Variants in ZMYND15 observed in about 807,000 individuals in gnomAD.
ZMYND15 encodes zinc finger MYND domain-containing protein 15.
ZMYND15 carries 54 observed loss-of-function variants against 81.7 expected under a neutral mutation model. The ratio of observed to expected loss-of-function variants is 0.66; its 90% CI spans 0.53 to 0.83. The LOEUF (loss-of-function observed/expected upper bound fraction) is 0.83. ZMYND15 is among the 40% of genes least tolerant of loss of function. The pLI, the probability that ZMYND15 is intolerant of heterozygous loss-of-function variation, is 0.00. For missense variants in ZMYND15, 925 were observed against 973.5 expected (o/e 0.95, Z 0.66); for synonymous variants, 399 against 387.0 (o/e 1.03, Z -0.36).
At chr17:4,742,537 C>T in intron 5 of ZMYND15, 46 bp downstream of exon 5, 2 of 1,599,624 alleles carry the variant, frequency 1.3e-6, no homozygotes, top group Non-Finnish European at 1.7e-6. Flanking sequence ...GGGACCAGGT[C>T]TTTGAGACTG....
At position 4,743,669 on chromosome 17, in the gene ZMYND15, G is replaced by A. The variant is rs113813186; in HGVS notation, c.1298-98G>A. The stretch of plus-strand genomic sequence containing the variant: ...TGCAAACCCCCATTCCTCTTACTGC[G>A]GCTGTCTCAGGGAATACAGCCCCTT... On this transcript the variant is annotated intron_variant, in intron 6 of 13. Transcript: ENST00000433935. The surrounding 1 kb of genome is among the most constrained non-coding windows in gnomAD (Gnocchi z 4.3). The A allele has an allele frequency of 0.018, 24,035 of 1,345,248 alleles. 291 individuals are homozygous for A. The highest frequency in any genetic ancestry group is 0.021 in the Non-Finnish European group (20,873 of 982,986). The allele number at this position is 1,345,248 out of a possible 1,614,324, so 83.3% of individuals were successfully genotyped here.
At position 4,743,633 on chromosome 17, in the gene ZMYND15, C is replaced by A; in HGVS notation, c.1298-134C>A. 7.9e-7 allele frequency: 1 copy of A among 1,271,602 alleles called. No homozygotes were observed. Among genetic ancestry groups the A allele is most frequent in the Non-Finnish European group, 1.1e-6 (1 of 927,622 alleles). The allele number at this position is 1,271,602 out of a possible 1,614,324, so 78.8% of individuals were successfully genotyped here. A position where few individuals can be genotyped will look rare whatever the true frequency, so the allele number is the denominator to read the frequency against. On this transcript the variant is annotated intron_variant, in intron 6 of 13. Transcript: ENST00000433935. The surrounding 1 kb of genome is among the most constrained non-coding windows in gnomAD (Gnocchi z 4.3). ...CACCCCTACCAACTCCACCCAGAAA[C>A]CCCATCCCTATGCAAACCCCCATTC...
At chr17:4,741,871 C>A in intron 3 of ZMYND15, 44 bp from the exon 4 acceptor site, 1 of 1,595,172 alleles carries the variant, frequency 6.3e-7, no homozygotes, top group Non-Finnish European at 8.6e-7. Flanking sequence ...GATTCCCAAG[C>A]ACCTCCTCCA....
rs1916621980 is a variant in ZMYND15 at position 4,745,450 on chromosome 17, C to T, written c.2057+75C>T. ...CTCTGGCTCCACATCCTCGAAGGCC[C>T]ACCTCTACCCTAGTCCCTGCTGTCC... On this transcript the variant is annotated intron_variant, in intron 13 of 13. Coordinates refer to ENST00000433935, the MANE Select transcript of ZMYND15 (RefSeq NM_001136046.3). The surrounding 1 kb of genome is among the most constrained non-coding windows in gnomAD (Gnocchi z 5.2). 1.3e-6 allele frequency: 2 copies of T among 1,512,860 alleles called. No homozygotes were observed. The highest frequency in any genetic ancestry group is 8.9e-7 in the Non-Finnish European group (1 of 1,125,032). 93.7% of individuals were successfully genotyped at this position (1,512,860 alleles called of 1,614,324 possible).
intron 2 of ZMYND15, 132 bp downstream of exon 2, chr17:4,741,272 C>A: frequency 2.8e-6 from 3 of 1,065,462 alleles, no homozygotes; most frequent in Non-Finnish European, 3.8e-6. Flanking sequence ...TATTGACCCA[C>A]AGTGGGGTTT....
chr17:4,744,544 C>G lies in ZMYND15; in HGVS notation c.1683+77C>G, dbSNP rs1176759641. ...CTGGTTGGGTCCTGCCCTTCTGCCC[C>G]CCACTCCCCATCTTGCCTGGTGCAT... is the stretch of plus-strand genomic sequence containing the variant. On this transcript the variant is annotated intron_variant, in intron 10 of 13. Transcript: ENST00000433935. This position sits in a 1 kb window ranked among gnomAD's most constrained non-coding sequence, Gnocchi z 4.1. 6.2e-7 allele frequency: 1 copy of G among 1,603,364 alleles called. No individual in the cohort carries two copies. The highest frequency in any genetic ancestry group is 2.2e-5 in the East Asian group (1 of 44,732).
At position 4,741,792 on chromosome 17, in the gene ZMYND15, C is replaced by T; in HGVS notation, c.803C>T (p.Thr268Ile). The T allele has an allele frequency of 1.3e-6, 2 of 1,578,110 alleles. No homozygotes were observed. Among genetic ancestry groups the T allele is most frequent in the Non-Finnish European group, 1.7e-6 (2 of 1,160,540 alleles). Residue 268 changes from threonine (T) to isoleucine (I), a missense_variant, in exon 3 of 14, where the codon ACT becomes ATT. Physicochemically the swap from Thr to Ile is moderately conservative, Grantham distance 89. Transcript: ENST00000433935. Reference protein sequence around the residue: ...SGDPRKPRQLTVGDARLHREL... With the variant: ...SGDPRKPRQLIVGDARLHREL... ...GATCCCCGAAAGCCCCGACAGCTTA[C>T]TGTGGGAGATGCCCGGCTGCATCGG...
In ZMYND15 at chr17:4,741,707, C is replaced by T. The variant is rs753811676; in HGVS notation, c.718C>T (p.Leu240=). The change falls in exon 3 of 14, where the codon CTG becomes TTG. Residue 240 remains leucine, a synonymous_variant. Coordinates refer to ENST00000433935, the MANE Select transcript of ZMYND15 (RefSeq NM_001136046.3). Reference sequence around the variant, plus strand: ...AAGCTGGGGCTCAGGGACCAAGGACCTGGCTCCTTGGGCCTATGCTCTCCT... The same window carrying T: ...AAGCTGGGGCTCAGGGACCAAGGACTTGGCTCCTTGGGCCTATGCTCTCCT... The part of the protein sequence containing the change: ...TASWGSGTKD[L]APWAYALLCH... 1 of 1,614,008 alleles carries T rather than the reference C, an allele frequency of 6.2e-7. No individual in the cohort carries two copies. Among genetic ancestry groups the T allele is most frequent in the Non-Finnish European group, 8.5e-7 (1 of 1,179,926 alleles).
At position 4,739,875 on chromosome 17, in the gene ZMYND15, T is replaced by G. The variant is rs1597501701; in HGVS notation, c.-206T>G. On this transcript the variant is annotated 5_prime_UTR_variant, in exon 1 of 14. Coordinates refer to ENST00000433935, the MANE Select transcript of ZMYND15 (RefSeq NM_001136046.3). The surrounding 1 kb of genome is among the most constrained non-coding windows in gnomAD (Gnocchi z 5.3). ...CTCCCGGGCGGCCCGGTGGAGAGAG[T>G]CGCCGCCAGCCCCGGCCGCGCGCAC... 3 of 985,070 alleles carry G rather than the reference T, an allele frequency of 3.0e-6. No individual in the cohort carries two copies. Among genetic ancestry groups the G allele is most frequent in the South Asian group, 9.4e-5 (2 of 21,340 alleles). 61.0% of individuals were successfully genotyped at this position (985,070 alleles called of 1,614,324 possible). A position where few individuals can be genotyped will look rare whatever the true frequency, so the allele number is the denominator to read the frequency against.
In ZMYND15 at chr17:4,743,684, T is replaced by C. The variant is rs1259080715; in HGVS notation, c.1298-83T>C. On this transcript the variant is annotated intron_variant, in intron 6 of 13. Coordinates refer to ENST00000433935, the MANE Select transcript of ZMYND15 (RefSeq NM_001136046.3). The surrounding 1 kb of genome is among the most constrained non-coding windows in gnomAD (Gnocchi z 4.3). ...CTCTTACTGCGGCTGTCTCAGGGAA[T>C]ACAGCCCCTTTGGAAGGAAGAAAGA... 2 of 1,418,838 alleles carry C rather than the reference T, an allele frequency of 1.4e-6. No individual in the cohort carries two copies. Among genetic ancestry groups the C allele is most frequent in the Non-Finnish European group, 1.9e-6 (2 of 1,038,722 alleles). The allele number at this position is 1,418,838 out of a possible 1,614,324, so 87.9% of individuals were successfully genotyped here. A position where few individuals can be genotyped will look rare whatever the true frequency, so the allele number is the denominator to read the frequency against.
At position 4,741,761 on chromosome 17, in the gene ZMYND15, T is replaced by C. The variant is rs748718812; in HGVS notation, c.772T>C (p.Ser258Pro). Residue 258 changes from serine (S) to proline (P), a missense_variant, in exon 3 of 14, where the codon TCT becomes CCT. Coordinates refer to ENST00000433935, the MANE Select transcript of ZMYND15 (RefSeq NM_001136046.3). ...LCHSMACPMGSGDPRKPRQLT... is the reference protein window; with the variant it reads ...LCHSMACPMGPGDPRKPRQLT... Reference sequence around the variant, plus strand: ...TCACAGCATGGCCTGTCCCATGGGCTCTGGGGATCCCCGAAAGCCCCGACA... The same window carrying C: ...TCACAGCATGGCCTGTCCCATGGGCCCTGGGGATCCCCGAAAGCCCCGACA... 4.4e-6 allele frequency: 7 copies of C among 1,590,854 alleles called. No homozygotes were observed.
Position 4,743,899 on chromosome 17 carries a change from A to C in ZMYND15, c.1378+52A>C. The C allele has an allele frequency of 6.2e-7, 1 of 1,602,288 alleles. No homozygotes were observed. Among genetic ancestry groups the C allele is most frequent in the African/African-American group, 1.3e-5 (1 of 74,798 alleles). Reference sequence around the variant, plus strand: ...TAGGGGTAGGGCCAGGGACTGGAGAACCAGAGCCTGGGTGGCTGTGAAGAA... The same window carrying C: ...TAGGGGTAGGGCCAGGGACTGGAGACCCAGAGCCTGGGTGGCTGTGAAGAA... On this transcript the variant is annotated intron_variant, in intron 7 of 13. Coordinates refer to ENST00000433935, the MANE Select transcript of ZMYND15 (RefSeq NM_001136046.3). The surrounding 1 kb of genome is among the most constrained non-coding windows in gnomAD (Gnocchi z 4.3).
At position 4,744,546 on chromosome 17, in the gene ZMYND15, C is replaced by G. The variant is rs962509979; in HGVS notation, c.1683+79C>G. 1.6e-5 allele frequency: 25 copies of G among 1,602,612 alleles called. No homozygotes were observed. The highest frequency in any genetic ancestry group is 2.0e-5 in the Non-Finnish European group (23 of 1,173,356). On this transcript the variant is annotated intron_variant, in intron 10 of 13. Transcript: ENST00000433935. The surrounding 1 kb of genome is among the most constrained non-coding windows in gnomAD (Gnocchi z 4.1). ...GGTTGGGTCCTGCCCTTCTGCCCCC[C>G]ACTCCCCATCTTGCCTGGTGCATCC... is the stretch of plus-strand genomic sequence containing the variant.
In ZMYND15 at chr17:4,744,608, C is replaced by A. The variant is rs779950879; in HGVS notation, c.1684-17C>A. ...GACTTCCAGTGGCTTTTCCACCCCACTCCTGGGGCCCCTCAGGACAGCCTG... is the reference window on the plus strand; with the variant it reads ...GACTTCCAGTGGCTTTTCCACCCCAATCCTGGGGCCCCTCAGGACAGCCTG... On this transcript the variant is annotated splice_polypyrimidine_tract_variant and intron_variant, in intron 10 of 13. Coordinates refer to ENST00000433935, the MANE Select transcript of ZMYND15 (RefSeq NM_001136046.3). This position sits in a 1 kb window ranked among gnomAD's most constrained non-coding sequence, Gnocchi z 4.1. The A allele has an allele frequency of 2.5e-6, 4 of 1,606,408 alleles. No homozygotes were observed. The African/African-American group carries it at 4.0e-5, about 16-fold the overall frequency.
At position 4,744,434 on chromosome 17, in the gene ZMYND15, C is replaced by G. The variant is rs751659829; in HGVS notation, c.1650C>G (p.Pro550=). Residue 550 remains proline (P), a synonymous_variant, in exon 10 of 14, where the codon CCC becomes CCG. Transcript: ENST00000433935. The surrounding 1 kb of genome is among the most constrained non-coding windows in gnomAD (Gnocchi z 4.1). ...ELQFVGDGLP[P]ESDEQHFTLQ... is the part of the protein sequence containing the mutation. ...AGTTTGTAGGTGATGGCCTGCCCCC[C>G]GAAAGCGACGAGCAGCATTTTACCC... is the stretch of plus-strand genomic sequence containing the variant. 5 of 1,613,980 alleles carry G rather than the reference C, an allele frequency of 3.1e-6. No individual in the cohort carries two copies. Among genetic ancestry groups the G allele is most frequent in the African/African-American group, 2.7e-5 (2 of 74,884 alleles).
In ZMYND15 at chr17:4,743,623, C is replaced by T. The variant is rs895643972; in HGVS notation, c.1298-144C>T. 1 of 1,272,380 alleles carries T rather than the reference C, an allele frequency of 7.9e-7. No individual in the cohort carries two copies. Among genetic ancestry groups the T allele is most frequent in the Non-Finnish European group, 1.1e-6 (1 of 929,678 alleles). 78.8% of individuals were successfully genotyped at this position (1,272,380 alleles called of 1,614,324 possible). On this transcript the variant is annotated intron_variant, in intron 6 of 13. Coordinates refer to ENST00000433935, the MANE Select transcript of ZMYND15 (RefSeq NM_001136046.3). This position sits in a 1 kb window ranked among gnomAD's most constrained non-coding sequence, Gnocchi z 4.3. ...TCAATGGAATCACCCCTACCAACTC[C>T]ACCCAGAAACCCCATCCCTATGCAA... is the stretch of plus-strand genomic sequence containing the variant.
chr17:4,740,500 T>A lies in ZMYND15; in HGVS notation c.-30-19T>A. 1 of 1,528,454 alleles carries A rather than the reference T, an allele frequency of 6.5e-7. No individual in the cohort carries two copies. 94.7% of individuals were successfully genotyped at this position (1,528,454 alleles called of 1,614,324 possible). On this transcript the variant is annotated intron_variant, in intron 1 of 13. Coordinates refer to ENST00000433935, the MANE Select transcript of ZMYND15 (RefSeq NM_001136046.3). The stretch of plus-strand genomic sequence containing the variant: ...CATTGCTCTCCTGTCCCTCACCATA[T>A]ATCCCTTCTTTTGCTCAGTCTGGGC...
Position 4,744,083 on chromosome 17 carries a change from A to G in ZMYND15, c.1471A>G (p.Ile491Val). The G allele has an allele frequency of 6.3e-7, 1 of 1,580,984 alleles. No individual in the cohort carries two copies. The highest frequency in any genetic ancestry group is 2.3e-5 in the East Asian group (1 of 42,626). Reference protein sequence around the residue: ...LTYPLTVYYVITHLVPQSFPE... With the variant: ...LTYPLTVYYVVTHLVPQSFPE... ...CTACCCGCTGACCGTGTACTACGTC[A>G]TCACCCACCTGGTGCCCCAGTCCTG... Residue 491 changes from isoleucine to valine, a missense_variant, in exon 8 of 14, where the codon ATC becomes GTC. Ile to Val is a conservative substitution (Grantham distance 29). Transcript: ENST00000433935. The surrounding 1 kb of genome is among the most constrained non-coding windows in gnomAD (Gnocchi z 4.1).
chr17:4,744,541 C>T lies in ZMYND15; in HGVS notation c.1683+74C>T, dbSNP rs1916578533. The T allele has an allele frequency of 5.0e-6, 8 of 1,601,824 alleles. No homozygotes were observed. Among genetic ancestry groups the T allele is most frequent in the South Asian group, 1.1e-5 (1 of 90,180 alleles). On this transcript the variant is annotated intron_variant, in intron 10 of 13. Coordinates refer to ENST00000433935, the MANE Select transcript of ZMYND15 (RefSeq NM_001136046.3). The surrounding 1 kb of genome is among the most constrained non-coding windows in gnomAD (Gnocchi z 4.1). ...CTCCTGGTTGGGTCCTGCCCTTCTG[C>T]CCCCCACTCCCCATCTTGCCTGGTG...
Sources: gnomAD v4.1 joint callset for allele counts on GRCh38, gnomAD v4.1.1 for gene constraint, Gnocchi (gnomAD v3.1) non-coding constraint, MANE v1.5 for transcripts, NCBI Gene and HGNC (gene_info 2026-07-23, HGNC 2026-07-21) for gene names.